The following HHIPL2 variants were observed in gnomAD, a reference collection of about 807,000 sequenced individuals.
HHIPL2 encodes HHIP like 2, also known as HHIP-like protein 2.
HHIPL2 carries 61 observed loss-of-function variants against 61.0 expected under a neutral mutation model. The ratio of observed to expected loss-of-function variants is 1.00; its 90% CI spans 0.81 to 1.24. HHIPL2 has a LOEUF of 1.24. HHIPL2 is among the 50% of genes most tolerant of loss of function. HHIPL2 has a pLI of 0.00. For synonymous variants in HHIPL2, 343 were observed against 357.4 expected, an observed-to-expected ratio of 0.96 and a Z score of 0.45; for missense variants, 885 against 910.2, an observed-to-expected ratio of 0.97 and a Z score of 0.36.
chr1:222,543,554 A>G lies in HHIPL2; in HGVS notation c.957T>C (p.Ala319=). The change falls in exon 2 of 9, where the codon GCT becomes GCC. Residue 319 remains alanine, a synonymous_variant. Coordinates refer to ENST00000343410, the MANE Select transcript of HHIPL2 (RefSeq NM_024746.4). ...MKVSRADPNK[A]DLKSERVILE... is the part of the protein sequence containing the mutation. ...CCTCTCACCTCTCTGATTTCAGGTC[A>G]GCTTTGTTAGGATCAGCCCGAGAAA... 1 of 1,611,984 alleles carries G rather than the reference A, an allele frequency of 6.2e-7. No individual in the cohort carries two copies. The highest frequency in any genetic ancestry group is 8.5e-7 in the Non-Finnish European group (1 of 1,178,508).
intron 7 of HHIPL2, among the ~76,000 whole-genome samples, chr1:222,525,497 G>A (rs903856569): frequency 6.6e-6 from 1 of 152,120 alleles, no homozygotes; most frequent in Non-Finnish European, 1.5e-5. Context: ...CACACAAACT[G>A]AGAGCCCTGT....
chr1:222,530,986 A>G (rs1237773124), intron 6 of HHIPL2, among the ~76,000 whole-genome samples: 1 of 152,170 alleles, frequency 6.6e-6, no homozygotes, highest in Non-Finnish European at 1.5e-5. Context: ...ACTTATGTAA[A>G]GCTGAAGTTA....
chr1:222,536,625 T>G (rs1659307282), intron 5 of HHIPL2, among the ~76,000 whole-genome samples: 1 of 152,212 alleles, frequency 6.6e-6, no homozygotes, highest in Admixed American at 6.5e-5. Context: ...ACTTATTCTG[T>G]AAAGCCTGTT....
At chr1:222,546,255 G>A (rs549855642) in intron 1 of HHIPL2, among the ~76,000 whole-genome samples, 79 of 152,206 alleles carry the variant, frequency 5.2e-4, no homozygotes, top group Middle Eastern at 3.4e-3. Flanking sequence ...ACTTTAGCAC[G>A]GTGTGATCAA....
intron 6 of HHIPL2, among the ~76,000 whole-genome samples, chr1:222,528,026 C>A (rs1659106876): frequency 6.6e-6 from 1 of 152,146 alleles, no homozygotes. Flanking sequence ...GAAAGAGCCC[C>A]CTGCTCCTTA....
chr1:222,531,090 C>G (rs1462787146), intron 6 of HHIPL2, among the ~76,000 whole-genome samples: 1 of 152,192 alleles, frequency 6.6e-6, no homozygotes, highest in Non-Finnish European at 1.5e-5. Flanking sequence ...GCACATCATG[C>G]TTCACTGATT....
intron 4 of HHIPL2, among the ~76,000 whole-genome samples, 161 bp downstream of exon 4, chr1:222,539,849 T>C (rs1005640001): frequency 6.6e-6 from 1 of 152,160 alleles, no homozygotes; most frequent in African/African-American, 2.4e-5. Context: ...CTGGTGCCAG[T>C]GAGTGGCTGG....
chr1:222,533,646 T>C (rs1659238473), intron 5 of HHIPL2, among the ~76,000 whole-genome samples: 1 of 152,162 alleles, frequency 6.6e-6, no homozygotes, highest in Admixed American at 6.5e-5. Flanking sequence ...CTGCACAAGA[T>C]AGAATAATAA....
At chr1:222,531,845 G>T in intron 6 of HHIPL2, 121 bp downstream of exon 6, 1 of 857,584 alleles carries the variant, frequency 1.2e-6, no homozygotes, top group Non-Finnish European at 1.7e-6. Flanking sequence ...TATAAAAGAT[G>T]ACTAAACGAT....
Position 222,538,661 on chromosome 1 carries a change from C to G in HHIPL2, c.1564G>C (p.Asp522His), listed in dbSNP as rs1234991418. The change falls in exon 5 of 9, where the codon GAC becomes CAC. Residue 522 changes from aspartate (D) to histidine (H), a missense_variant. Asp to His is a moderately conservative substitution (Grantham distance 81, BLOSUM62 -1). Coordinates refer to ENST00000343410, the MANE Select transcript of HHIPL2 (RefSeq NM_024746.4). Reference protein sequence around the residue: ...PNLNGLYIFGDFMSGRLMALQ... With the variant: ...PNLNGLYIFGHFMSGRLMALQ... ...GTCCTTCCTTACCCACTCATGAAGT[C>G]TCCAAAGATATACAGGCCATTGAGA... 1.2e-6 allele frequency: 2 copies of G among 1,613,920 alleles called. No individual in the cohort carries two copies. The highest frequency in any genetic ancestry group is 1.7e-6 in the Non-Finnish European group (2 of 1,179,806).
Position 222,548,022 on chromosome 1 carries a change from T to C in HHIPL2, c.23A>G (p.Asn8Ser). MLRTSTP[N>S]LCGGLHCRAP... ...CCGGCAATGCAGACCACCACACAGA[T>C]TAGGAGTGGACGTTCTCAGCATTTT... Residue 8 changes from asparagine to serine, a missense_variant, in exon 1 of 9, where the codon AAT becomes AGT. By Grantham distance (46) the Asn-to-Ser change is conservative. Coordinates refer to ENST00000343410, the MANE Select transcript of HHIPL2 (RefSeq NM_024746.4). 1 of 1,573,310 alleles carries C rather than the reference T, an allele frequency of 6.4e-7. No homozygotes were observed. Among genetic ancestry groups the C allele is most frequent in the Non-Finnish European group, 8.6e-7 (1 of 1,157,800 alleles).
chr1:222,538,769 C>T lies in HHIPL2; in HGVS notation c.1456G>A (p.Val486Ile), dbSNP rs201910359. 4.3e-5 allele frequency: 70 copies of T among 1,613,984 alleles called. No individual in the cohort carries two copies. The highest frequency in any genetic ancestry group is 5.2e-5 in the Non-Finnish European group (61 of 1,180,008). ...KLCHNASLDD[V>I]LPIYAYGHAV... is the part of the protein sequence containing the mutation. ...TGGCCATAAGCATAGATTGGCAGAACATCATCTGTCCAGGAGAGAGGAAAG... is the reference window on the plus strand; with the variant it reads ...TGGCCATAAGCATAGATTGGCAGAATATCATCTGTCCAGGAGAGAGGAAAG... The change falls in exon 5 of 9, where the codon GTT becomes ATT. Residue 486 changes from valine (V) to isoleucine (I), a missense_variant. Val to Ile is a conservative substitution (Grantham distance 29). Coordinates refer to ENST00000343410, the MANE Select transcript of HHIPL2 (RefSeq NM_024746.4).
intron 7 of HHIPL2, among the ~76,000 whole-genome samples, chr1:222,526,113 C>T: frequency 6.6e-6 from 1 of 152,160 alleles, no homozygotes; most frequent in East Asian, 1.9e-4. Context: ...CCAGACCCAA[C>T]CACCTCTCAA....
intron 8 of HHIPL2, 30 bp from the exon 9 acceptor site, chr1:222,522,917 AT>A (rs1214250715): frequency 6.3e-6 from 10 of 1,588,320 alleles, no homozygotes; most frequent in Non-Finnish European, 8.6e-6. Context: ...TTAGTGAAAA[AT>A]ATAAGTCCCA....
At chr1:222,547,671 C>A in intron 1 of HHIPL2, 53 bp downstream of exon 1, 1 of 1,506,086 alleles carries the variant, frequency 6.6e-7, no homozygotes. Flanking sequence ...TCAGGACCCA[C>A]ACCATGCAGC....
rs1553268918 is a variant in HHIPL2 at position 222,522,421 on chromosome 1, C to G, written c.*180G>C. 1 of 669,764 alleles carries G rather than the reference C, an allele frequency of 1.5e-6. No individual in the cohort carries two copies. Among genetic ancestry groups the G allele is most frequent in the Non-Finnish European group, 2.6e-6 (1 of 383,346 alleles). The allele number at this position is 669,764 out of a possible 1,614,324, so 41.5% of individuals were successfully genotyped here. ...TGGTCTCCCACAGAAGCACTGCATA[C>G]AGAGAAGGTGCATTTATTTATTCAG... On this transcript the variant is annotated 3_prime_UTR_variant, in exon 9 of 9. Coordinates refer to ENST00000343410, the MANE Select transcript of HHIPL2 (RefSeq NM_024746.4).
chr1:222,532,132 T>C (rs111507188), intron 5 of HHIPL2, 21 bp from the exon 6 acceptor site: 4 of 1,603,710 alleles, frequency 2.5e-6, no homozygotes, highest in South Asian at 2.2e-5. Flanking sequence ...AATAAACCCT[T>C]ATGTTTAGGA....
At chr1:222,538,003 AC>A (rs1659337895) in intron 5 of HHIPL2, among the ~76,000 whole-genome samples, 1 of 152,198 alleles carries the variant, frequency 6.6e-6, no homozygotes, top group Non-Finnish European at 1.5e-5. Flanking sequence ...GTGTACTCAT[AC>A]AACTGAATTT....
intron 5 of HHIPL2, among the ~76,000 whole-genome samples, chr1:222,532,683 A>G (rs1571768723): frequency 1.3e-5 from 2 of 151,576 alleles, no homozygotes; most frequent in Admixed American, 6.6e-5. Context: ...TCTTATTTTC[A>G]TTAGTTGTGT....
Sources: allele counts gnomAD v4.1 joint callset (sites outside exome capture counted in the v4.1 genomes callset), GRCh38; gene constraint gnomAD v4.1.1; transcripts MANE v1.5; gene names NCBI Gene and HGNC (gene_info 2026-07-23, HGNC 2026-07-21).